ADGRL2: variants seen among roughly 807,000 people sequenced by gnomAD.
ADGRL2 encodes the protein calcium-independent alpha-latrotoxin receptor 2.
Under a neutral mutation model 157.4 loss-of-function variants are expected in ADGRL2, and 44 were observed. The observed-to-expected ratio is 0.28, with a 90% CI of 0.22 to 0.36. The LOEUF (loss-of-function observed/expected upper bound fraction) is 0.36, where lower values mean the gene tolerates loss of function less well. ADGRL2 is among the 10% of genes least tolerant of loss of function. ADGRL2 has a pLI of 1.00. For missense variants in ADGRL2, 1,510 were observed against 1,768.9 expected (o/e 0.85, Z 2.63); for synonymous variants, 585 against 624.7 (o/e 0.94, Z 0.95).
chr1:81,426,003 A>C (rs2077207486), intron 1 of ADGRL2, among the ~76,000 whole-genome samples: 1 of 152,114 alleles, frequency 6.6e-6, no homozygotes, highest in South Asian at 2.1e-4. Flanking sequence ...AGTAGCTGGG[A>C]CTACAGGCAT....
Position 81,720,182 on chromosome 1 carries a change from TTC to T in ADGRL2, c.-143+20376_-143+20377del, listed in dbSNP as rs965224778. 9.0e-5 allele frequency among the ~76,000 whole-genome samples: 13 copies of T among 144,724 alleles called. 1 individual carries two copies. Among genetic ancestry groups the T allele is most frequent in the Non-Finnish European group, 1.2e-4 (8 of 65,204 alleles). 94.9% of individuals were successfully genotyped at this position (144,724 alleles called of 152,430 possible). ...AATTAAAAGCATTCCTTTTTTTCTT[TTC>T]TTTTTTTTTTTTTTTTGAGACGTAA... is the stretch of plus-strand genomic sequence containing the variant. On this transcript the variant is annotated intron_variant, in intron 1 of 20. Coordinates refer to the ADGRL2 transcript ENST00000359929.
At chr1:81,924,472 T>C (rs1489667250) in intron 3 of ADGRL2, among the ~76,000 whole-genome samples, 1 of 152,148 alleles carries the variant, frequency 6.6e-6, no homozygotes, top group East Asian at 1.9e-4. Flanking sequence ...ATGATTTTTG[T>C]AGAGACGAGT....
intron 3 of ADGRL2, among the ~76,000 whole-genome samples, chr1:81,658,778 T>C (rs1187903046): frequency 2.0e-5 from 3 of 151,984 alleles, no homozygotes; most frequent in African/African-American, 7.2e-5. Flanking sequence ...TGAGATGAAA[T>C]CTTGCTCTTG....
intron 1 of ADGRL2, among the ~76,000 whole-genome samples, chr1:81,339,120 C>T (rs750208818): frequency 3.9e-5 from 6 of 152,254 alleles, no homozygotes; most frequent in African/African-American, 9.6e-5. Flanking sequence ...ATCTGTATAA[C>T]TAATATTTGT....
chr1:81,546,607 T>A lies in ADGRL2; in HGVS notation c.-247-34269T>A, dbSNP rs540115752. Among the ~76,000 whole-genome samples, 295 of 152,358 alleles carry A rather than the reference T, an allele frequency of 1.9e-3. 2 individuals carry two copies. The highest frequency in any genetic ancestry group is 6.8e-3 in the African/African-American group (281 of 41,590). On this transcript the variant is annotated intron_variant, in intron 2 of 24. Coordinates refer to the ADGRL2 transcript ENST00000370721. Reference sequence around the variant, plus strand: ...ATTGGATCTTCTTCATAATTCCACATCCACTGGGCAGTCTAGAAAAGTTAT... The same window carrying A: ...ATTGGATCTTCTTCATAATTCCACAACCACTGGGCAGTCTAGAAAAGTTAT...
At chr1:81,964,644 T>A (rs1475578410) in intron 11 of ADGRL2, among the ~76,000 whole-genome samples, 1 of 152,074 alleles carries the variant, frequency 6.6e-6, no homozygotes, top group Non-Finnish European at 1.5e-5. Flanking sequence ...ATTAAAAAAA[T>A]TAGTATCCAA....
intron 3 of ADGRL2, among the ~76,000 whole-genome samples, chr1:81,693,348 T>A (rs1308426556): frequency 6.6e-6 from 1 of 152,124 alleles, no homozygotes; most frequent in Non-Finnish European, 1.5e-5. Flanking sequence ...GCAACCTCCC[T>A]CCTCTCCCTC....
chr1:81,332,616 G>A (rs1478672311), intron 1 of ADGRL2, among the ~76,000 whole-genome samples: 1 of 152,132 alleles, frequency 6.6e-6, no homozygotes, highest in East Asian at 1.9e-4. Flanking sequence ...CATGGCCTTT[G>A]AAAGTTACAC....
chr1:81,618,803 G>C (rs538460663), intron 3 of ADGRL2, among the ~76,000 whole-genome samples: 1 of 151,824 alleles, frequency 6.6e-6, no homozygotes, highest in East Asian at 1.9e-4. Context: ...AATTATCTCA[G>C]TTAACTCTGT....
intron 2 of ADGRL2, among the ~76,000 whole-genome samples, chr1:81,574,238 G>A (rs2080753088): frequency 6.6e-6 from 1 of 151,612 alleles, no homozygotes; most frequent in Non-Finnish European, 1.5e-5. Context: ...GGAGGGGGAG[G>A]GGGAGGATGA....
At position 81,663,944 on chromosome 1, in the gene ADGRL2, A is replaced by G. The variant is rs185074851; in HGVS notation, c.-143+82964A>G. On this transcript the variant is annotated intron_variant, in intron 3 of 24. Coordinates refer to the ADGRL2 transcript ENST00000370721. ...TGGTTTATATTTTTGAGGGGGAAGG[A>G]TATCCGTTTTTGCTTGACGTTTATC... Among the ~76,000 whole-genome samples the G allele has an allele frequency of 1.2e-4, 19 of 152,220 alleles. No individual in the cohort carries two copies. The East Asian group carries it at 3.5e-3, about 28-fold the overall frequency.
At chr1:81,750,585 G>A (rs561135309) in intron 1 of ADGRL2, among the ~76,000 whole-genome samples, 41 of 152,096 alleles carry the variant, frequency 2.7e-4, no homozygotes, top group Non-Finnish European at 5.6e-4. Flanking sequence ...AGGCATGAGG[G>A]CAGGTGCCTG....
chr1:81,980,898 G>A (rs1026266360), intron 18 of ADGRL2: 20 of 612,608 alleles, frequency 3.3e-5, no homozygotes, highest in East Asian at 2.7e-4. Context: ...TTACAAATTC[G>A]TCAGTATCAT....
At chr1:81,337,050 G>A (rs1194362990) in intron 1 of ADGRL2, among the ~76,000 whole-genome samples, 1 of 152,140 alleles carries the variant, frequency 6.6e-6, no homozygotes, top group Non-Finnish European at 1.5e-5. Flanking sequence ...GCTTGACAGT[G>A]GGACCTCAAA....
At chr1:81,897,640 A>G (rs543632073) in intron 2 of ADGRL2, among the ~76,000 whole-genome samples, 4 of 152,306 alleles carry the variant, frequency 2.6e-5, no homozygotes, top group East Asian at 1.9e-4. Context: ...ATTTGAAACT[A>G]TCAGCTAATG....
chr1:81,753,571 A>C (rs2085562627), intron 1 of ADGRL2, among the ~76,000 whole-genome samples: 1 of 152,220 alleles, frequency 6.6e-6, no homozygotes, highest in Non-Finnish European at 1.5e-5. Context: ...TTATTTGCCC[A>C]AAAGTATACT....
chr1:81,934,117 C>G (rs139744534), intron 3 of ADGRL2, among the ~76,000 whole-genome samples: 1 of 151,936 alleles, frequency 6.6e-6, no homozygotes, highest in East Asian at 1.9e-4. Flanking sequence ...AGAATTAATA[C>G]GTTTTGCTGT....
intron 2 of ADGRL2, among the ~76,000 whole-genome samples, chr1:81,838,808 A>G (rs1001079685): frequency 6.6e-6 from 1 of 152,038 alleles, no homozygotes; most frequent in Admixed American, 6.6e-5. Flanking sequence ...AGTGTCATCT[A>G]TCAGGTCAGG....
At chr1:81,531,930 T>C (rs938754048) in intron 2 of ADGRL2, among the ~76,000 whole-genome samples, 1 of 152,308 alleles carries the variant, frequency 6.6e-6, no homozygotes, top group African/African-American at 2.4e-5. Context: ...CCACTGGTCA[T>C]ATACTTAGGT....
Sources: allele counts gnomAD v4.1 joint callset (sites outside exome capture counted in the v4.1 genomes callset), GRCh38; gene constraint gnomAD v4.1.1; transcripts MANE v1.5; gene names NCBI Gene and HGNC (gene_info 2026-07-23, HGNC 2026-07-21).